PLCH2: variants seen among roughly 807,000 people sequenced by gnomAD.
PLCH2 encodes phospholipase C eta 2.
Under a neutral mutation model 134.7 loss-of-function variants are expected in PLCH2, and 98 were observed. That is an observed-to-expected ratio of 0.73 (90% CI 0.62 to 0.86). The LOEUF (loss-of-function observed/expected upper bound fraction) is 0.86, where lower values mean the gene tolerates loss of function less well. Among genes scored for constraint, PLCH2 ranks in the 40% least tolerant of loss-of-function variants. PLCH2 has a pLI of 0.00. For synonymous variants in PLCH2, 974 were observed against 827.5 expected, an observed-to-expected ratio of 1.18 and a Z score of -3.04; for missense variants, 1,994 against 1,986.6, an observed-to-expected ratio of 1.00 and a Z score of -0.07.
intron 2 of PLCH2, among the ~76,000 whole-genome samples, chr1:2,437,815 A>T (rs946094070): frequency 7.2e-5 from 11 of 152,200 alleles, no homozygotes; most frequent in Admixed American, 2.0e-4. Context: ...GTGTACATAC[A>T]ACACATGTTC....
upstream of PLCH2, among the ~76,000 whole-genome samples, chr1:2,423,460 A>G (rs1638621248): frequency 6.6e-6 from 1 of 152,206 alleles, no homozygotes; most frequent in African/African-American, 2.4e-5. Context: ...ACACGGAGAC[A>G]GCAGGGTTTG....
chr1:2,460,090 C>T (rs1640740848), intron 2 of PLCH2, among the ~76,000 whole-genome samples: 1 of 152,286 alleles, frequency 6.6e-6, no homozygotes, highest in African/African-American at 2.4e-5. Flanking sequence ...CAGGCCCTTT[C>T]TGCCCTCCGG....
At chr1:2,494,046 C>T (rs980515202) in intron 11 of PLCH2, among the ~76,000 whole-genome samples, 1 of 152,192 alleles carries the variant, frequency 6.6e-6, no homozygotes. Context: ...ACAGGGACCG[C>T]TGCTGCAGGC....
At chr1:2,464,683 C>T (rs529647674), upstream of PLCH2, among the ~76,000 whole-genome samples, 9 of 152,312 alleles carry the variant, frequency 5.9e-5, no homozygotes, top group East Asian at 7.7e-4. Flanking sequence ...GGGCTCTGTC[C>T]GGACTCAGCT....
chr1:2,482,864 G>A (rs1368760127), intron 4 of PLCH2, among the ~76,000 whole-genome samples: 1 of 152,176 alleles, frequency 6.6e-6, no homozygotes, highest in Non-Finnish European at 1.5e-5. Context: ...AGGCCGAGGC[G>A]GGGCCCTGGG....
intron 2 of PLCH2, among the ~76,000 whole-genome samples, chr1:2,457,581 C>T (rs1248815586): frequency 2.6e-5 from 4 of 152,124 alleles, no homozygotes; most frequent in Non-Finnish European, 5.9e-5. Context: ...CCTGGGGGAG[C>T]GGCTGAGCTG....
At chr1:2,460,612 T>C (rs1481323252) in intron 2 of PLCH2, among the ~76,000 whole-genome samples, 1 of 152,168 alleles carries the variant, frequency 6.6e-6, no homozygotes, top group Non-Finnish European at 1.5e-5. Context: ...TTTTTAACGA[T>C]GCAAGCAGCT....
intron 2 of PLCH2, among the ~76,000 whole-genome samples, chr1:2,442,624 A>G (rs576774914): frequency 3.9e-5 from 6 of 152,262 alleles, no homozygotes; most frequent in African/African-American, 1.2e-4. Flanking sequence ...ATTAGACCCA[A>G]AGAACAAAGT....
chr1:2,418,137 C>T, the PLCH2 span, among the ~76,000 whole-genome samples: 1 of 152,230 alleles, frequency 6.6e-6, no homozygotes, highest in Non-Finnish European at 1.5e-5. Context: ...ACACCCATCA[C>T]GGCAGGTGCC....
upstream of PLCH2, among the ~76,000 whole-genome samples, chr1:2,475,155 C>T (rs1641546763): frequency 6.6e-6 from 1 of 152,194 alleles, no homozygotes; most frequent in African/African-American, 2.4e-5. Context: ...GACGCATGGC[C>T]ATCTCCTCAG....
intron 1 of PLCH2, among the ~76,000 whole-genome samples, chr1:2,471,242 C>T (rs1256957419): frequency 6.6e-6 from 1 of 152,186 alleles, no homozygotes; most frequent in African/African-American, 2.4e-5. Flanking sequence ...GGGACCTGGC[C>T]CTGGCTGTCC....
intron 1 of PLCH2, chr1:2,426,138 C>G (rs28730533): frequency 2.0e-5 from 3 of 152,404 alleles, no homozygotes; most frequent in African/African-American, 7.2e-5. Flanking sequence ...GACACTGTAT[C>G]TGAGCCGAGG....
At chr1:2,441,909 A>G (rs1373712991) in intron 2 of PLCH2, among the ~76,000 whole-genome samples, 1 of 152,108 alleles carries the variant, frequency 6.6e-6, no homozygotes, top group Non-Finnish European at 1.5e-5. Flanking sequence ...CAGAGGCTTC[A>G]CTGCAGGCTC....
chr1:2,498,780 C>G lies in PLCH2; in HGVS notation c.2386C>G (p.Leu796Val). 1 of 1,611,506 alleles carries G rather than the reference C, an allele frequency of 6.2e-7. No homozygotes were observed. Among genetic ancestry groups the G allele is most frequent in the East Asian group, 2.2e-5 (1 of 44,834 alleles). ...DPFVEVEIIGLPVDCSREQTR... is the reference protein window; with the variant it reads ...DPFVEVEIIGVPVDCSREQTR... The stretch of plus-strand genomic sequence containing the variant: ...CTTTGTGGAGGTGGAGATCATTGGG[C>G]TCCCTGTGGACTGCAGCAGGGAGCA... Residue 796 changes from leucine (L) to valine (V), a missense_variant, in exon 18 of 22, where the codon CTC becomes GTC. Leu to Val is a conservative substitution (Grantham distance 32, BLOSUM62 1). Transcript: ENST00000378486. The surrounding 1 kb of genome is among the most constrained non-coding windows in gnomAD (Gnocchi z 5.4).
At chr1:2,442,416 C>T (rs556699759) in intron 2 of PLCH2, among the ~76,000 whole-genome samples, 8 of 152,310 alleles carry the variant, frequency 5.3e-5, no homozygotes, top group South Asian at 2.1e-4. Context: ...CTGAGTGACA[C>T]GCTCCCACGC....
intron 2 of PLCH2, among the ~76,000 whole-genome samples, chr1:2,437,544 C>A (rs540379923): frequency 7.2e-5 from 11 of 151,864 alleles, no homozygotes; most frequent in African/African-American, 2.7e-4. Context: ...GGTTTCTCTC[C>A]TGTCCCATGT....
chr1:2,489,841 G>A lies in PLCH2; in HGVS notation c.1489G>A (p.Asp497Asn), dbSNP rs753992333. Reference sequence around the variant, plus strand: ...TGAGGACAGTGCTGATGAGATTGACGATGACTGCAAGCTCCTCAATGGGGA... The same window carrying A: ...TGAGGACAGTGCTGATGAGATTGACAATGACTGCAAGCTCCTCAATGGGGA... ...SDEDSADEIDDDCKLLNGDAS... is the reference protein window; with the variant it reads ...SDEDSADEIDNDCKLLNGDAS... The change falls in exon 10 of 22, where the codon GAT (aspartate) becomes AAT (asparagine). Residue 497 changes from aspartate (D) to asparagine (N), a missense_variant. By Grantham distance (23) the Asp-to-Asn change is conservative. Coordinates refer to ENST00000378486, the MANE Select transcript of PLCH2 (RefSeq NM_014638.4). 3.0e-5 allele frequency: 48 copies of A among 1,613,116 alleles called. No individual in the cohort carries two copies. The highest frequency in any genetic ancestry group is 3.6e-5 in the Non-Finnish European group (42 of 1,179,360).
At chr1:2,443,751 C>G (rs866514789) in intron 2 of PLCH2, among the ~76,000 whole-genome samples, 1 of 147,428 alleles carries the variant, frequency 6.8e-6, no homozygotes. Flanking sequence ...CAGCGCGCTC[C>G]TCGCGCGGCG....
chr1:2,428,550 G>A (rs531595050), intron 1 of PLCH2, among the ~76,000 whole-genome samples: 7 of 152,362 alleles, frequency 4.6e-5, no homozygotes, highest in South Asian at 2.1e-4. Flanking sequence ...ATGGTCCTCC[G>A]TGGCCTCGCC....
Sources: allele counts gnomAD v4.1 joint callset (sites outside exome capture counted in the v4.1 genomes callset), GRCh38; gene constraint gnomAD v4.1.1; non-coding constraint Gnocchi (gnomAD v3.1); transcripts MANE v1.5; gene names NCBI Gene and HGNC (gene_info 2026-07-23, HGNC 2026-07-21).